The following DLG2 variants were observed in gnomAD, a reference collection of about 807,000 sequenced individuals.
DLG2 encodes the protein disks large homolog 2.
In DLG2, 45 loss-of-function variants were observed where a neutral mutation model predicts 132.5. The observed-to-expected ratio is 0.34, with a 90% CI of 0.27 to 0.44. The LOEUF is 0.44. Among genes scored for constraint, DLG2 ranks in the 20% least tolerant of loss-of-function variants. The pLI, the probability that DLG2 is intolerant of heterozygous loss-of-function variation, is 1.00. For missense variants in DLG2, 1,045 were observed against 1,196.9 expected (o/e 0.87, Z 1.87); for synonymous variants, 424 against 419.6 (o/e 1.01, Z -0.13).
chr11:85,620,594 A>G (rs1180229901), intron 2 of DLG2, among the ~76,000 whole-genome samples: 1 of 152,256 alleles, frequency 6.6e-6, no homozygotes, highest in Non-Finnish European at 1.5e-5. Flanking sequence ...GAATAATAAG[A>G]GAGACACGCT....
intron 18 of DLG2, among the ~76,000 whole-genome samples, chr11:83,697,581 A>G (rs1476926056): frequency 1.3e-5 from 2 of 152,154 alleles, no homozygotes; most frequent in African/African-American, 4.8e-5. Context: ...CTTACGTATA[A>G]CAAGCTGATC....
intron 26 of DLG2, 114 bp from the exon 27 acceptor site, chr11:83,462,207 G>T: frequency 1.4e-6 from 1 of 704,654 alleles, no homozygotes. Flanking sequence ...CTTAGCAACA[G>T]GTTTTTAGTC....
chr11:84,967,420 C>G (rs2053498665), intron 6 of DLG2, among the ~76,000 whole-genome samples: 1 of 151,994 alleles, frequency 6.6e-6, no homozygotes. Context: ...AAAATGAATG[C>G]AAGCTGTTCT....
intron 7 of DLG2, among the ~76,000 whole-genome samples, chr11:84,355,381 T>C (rs749745470): frequency 2.0e-5 from 3 of 150,388 alleles, no homozygotes; most frequent in African/African-American, 4.9e-5. Context: ...CTTTGGGAGG[T>C]GACTGGATCA....
rs570614623 is a variant in DLG2 at position 85,601,379 on chromosome 11, T to G, written c.-92-2591A>C. Among the ~76,000 whole-genome samples the G allele has an allele frequency of 3.9e-5, 6 of 152,058 alleles. No homozygotes were observed. The South Asian group carries it at 1.2e-3, about 32-fold the overall frequency. On this transcript the variant is annotated intron_variant, in intron 2 of 27. Coordinates refer to ENST00000376104, the MANE Select transcript of DLG2 (RefSeq NM_001142699.3). ...TTTTTGAGATGGAGTCTCACTTTGT[T>G]GCCCAGGCTGGAGTGCAGTGGCGTG...
chr11:83,582,483 G>A (rs2096998033), intron 19 of DLG2, among the ~76,000 whole-genome samples: 1 of 152,212 alleles, frequency 6.6e-6, no homozygotes, highest in South Asian at 2.1e-4. Context: ...TGCTGGGGAT[G>A]CAATTATGAA....
intron 3 of DLG2, among the ~76,000 whole-genome samples, chr11:85,407,259 C>T (rs1001590632): frequency 4.0e-5 from 6 of 151,836 alleles, no homozygotes; most frequent in African/African-American, 1.4e-4. Flanking sequence ...GAAACATAAT[C>T]TTCTACATGT....
At chr11:85,150,871 G>C (rs1315754186) in intron 5 of DLG2, among the ~76,000 whole-genome samples, 5 of 152,034 alleles carry the variant, frequency 3.3e-5, no homozygotes, top group African/African-American at 1.2e-4. Flanking sequence ...ATCCTGCTTT[G>C]AATTCTTTTG....
intron 6 of DLG2, among the ~76,000 whole-genome samples, chr11:84,843,827 A>C (rs1331179083): frequency 6.6e-6 from 1 of 151,762 alleles, no homozygotes; most frequent in Admixed American, 6.6e-5. Flanking sequence ...AGCAGGTTGA[A>C]TCCATGGATG....
At chr11:85,417,352 T>C (rs2089955098) in intron 3 of DLG2, among the ~76,000 whole-genome samples, 1 of 152,214 alleles carries the variant, frequency 6.6e-6, no homozygotes, top group South Asian at 2.1e-4. Context: ...TTGCCAGTAT[T>C]TTATTGAGGA....
intron 6 of DLG2, among the ~76,000 whole-genome samples, chr11:84,832,433 C>G (rs932857335): frequency 1.3e-5 from 2 of 151,574 alleles, no homozygotes; most frequent in Non-Finnish European, 3.0e-5. Flanking sequence ...TTAGGAGTGG[C>G]CTTTCTTGAC....
chr11:84,301,557 G>A (rs1012080946), intron 7 of DLG2, among the ~76,000 whole-genome samples: 9 of 151,154 alleles, frequency 6.0e-5, no homozygotes, highest in Non-Finnish European at 4.4e-5. Flanking sequence ...TACTCGGGAG[G>A]CTGAGGCAGG....
intron 8 of DLG2, among the ~76,000 whole-genome samples, chr11:84,226,626 A>G (rs1003546383): frequency 5.3e-5 from 8 of 152,380 alleles, no homozygotes; most frequent in Admixed American, 5.2e-4. Flanking sequence ...AATTAGGTTC[A>G]AGAATGATTT....
At position 85,346,873 on chromosome 11, in the gene DLG2, G is replaced by A. The variant is rs116516229; in HGVS notation, c.41-61508C>T. On this transcript the variant is annotated intron_variant, in intron 3 of 27. Coordinates refer to ENST00000376104, the MANE Select transcript of DLG2 (RefSeq NM_001142699.3). ...CGGGAAGTAGTCAATGAATGGAGAA[G>A]GCAGACTGAGGGTCAGGATTTGTAG... is the stretch of plus-strand genomic sequence containing the variant. Among the ~76,000 whole-genome samples, 315 of 152,198 alleles carry A rather than the reference G, an allele frequency of 2.1e-3. 1 individual carries two copies. Among genetic ancestry groups the A allele is most frequent in the African/African-American group, 7.3e-3 (303 of 41,484 alleles).
chr11:84,536,900 C>T (rs183600933), intron 6 of DLG2, among the ~76,000 whole-genome samples: 1 of 152,302 alleles, frequency 6.6e-6, no homozygotes, highest in East Asian at 1.9e-4. Context: ...GCTATAGAAA[C>T]AGCCTCTGAG....
chr11:84,474,197 T>TA (rs1217326985), intron 7 of DLG2, among the ~76,000 whole-genome samples: 1 of 152,154 alleles, frequency 6.6e-6, no homozygotes, highest in East Asian at 1.9e-4. Context: ...CTCTCCTTAT[T>TA]ATAAACAGTG....
At chr11:84,922,951 A>AC in intron 6 of DLG2, 1 of 1,188,846 alleles carries the variant, frequency 8.4e-7, no homozygotes, top group Non-Finnish European at 1.2e-6. Context: ...AGCCTTTGCA[A>AC]CCACCTGTAA....
chr11:83,947,056 C>T (rs1301271577), intron 14 of DLG2, among the ~76,000 whole-genome samples: 1 of 152,174 alleles, frequency 6.6e-6, no homozygotes, highest in Non-Finnish European at 1.5e-5. Flanking sequence ...GGAATTAATG[C>T]CACTCCTAGG....
chr11:83,805,004 T>C (rs1295440694), intron 17 of DLG2, among the ~76,000 whole-genome samples: 2 of 152,158 alleles, frequency 1.3e-5, no homozygotes, highest in Non-Finnish European at 2.9e-5. Flanking sequence ...TGAATTTGTC[T>C]GATTGTTTCT....
Sources: gnomAD v4.1 joint callset for allele counts (sites outside exome capture counted in the v4.1 genomes callset) on GRCh38, gnomAD v4.1.1 for gene constraint, MANE v1.5 for transcripts, NCBI Gene and HGNC (gene_info 2026-07-23, HGNC 2026-07-21) for gene names.